The following FAAH2 variants were observed in gnomAD, a reference collection of about 807,000 sequenced individuals.
The protein encoded by FAAH2 is fatty-acid amide hydrolase 2.
Under a neutral mutation model 36.9 loss-of-function variants are expected in FAAH2, and 60 were observed. The ratio of observed to expected loss-of-function variants is 1.63; its 90% CI spans 1.32 to 2.02. The LOEUF is 2.02. Ranked by LOEUF, FAAH2 falls within the 30% of genes most tolerant of loss-of-function variation. The pLI is 0.00. For missense variants in FAAH2, 689 were observed against 397.5 expected (o/e 1.73, Z -6.23); for synonymous variants, 214 against 143.8 (o/e 1.49, Z -3.49).
At chrX:57,395,417 AT>A in intron 7 of FAAH2, 1 of 698,059 alleles carries the variant, frequency 1.4e-6, no homozygotes, top group Admixed American at 2.3e-5. Context: ...CATGGCCTTT[AT>A]TAGTCTGCTG....
chrX:57,473,290 A>C (rs1433178604), intron 10 of FAAH2, among the ~76,000 whole-genome samples: 1 of 111,594 alleles, frequency 9.0e-6, no homozygotes, highest in Non-Finnish European at 1.9e-5. Context: ...TCACCCAAAA[A>C]TTATTTAAGA....
the FAAH2 span, among the ~76,000 whole-genome samples, chrX:57,245,096 AAC>A: frequency 8.9e-6 from 1 of 111,959 alleles, no homozygotes; most frequent in African/African-American, 3.2e-5. Context: ...CGCTGAAAAA[AAC>A]AGACTTTAAA....
In FAAH2 at chrX:57,408,535, CTATT is replaced by C. The variant is rs200375559; in HGVS notation, c.997-23353_997-23350del. On this transcript the variant is annotated intron_variant, in intron 7 of 10. Transcript: ENST00000374900. Reference sequence around the variant, plus strand: ...TGCATTTTCCTTTCCAATTTGCATGCTATTTATTTATTTATTTATTTATTTATTT... The same window carrying C: ...TGCATTTTCCTTTCCAATTTGCATGCTATTTATTTATTTATTTATTTATTT... 1.2e-3 allele frequency among the ~76,000 whole-genome samples: 119 copies of C among 101,939 alleles called. No individual in the cohort carries two copies. In the Middle Eastern group the frequency reaches 0.02, roughly 17 times the overall value. 88.5% of individuals were successfully genotyped at this position (101,939 alleles called of 115,157 possible).
chrX:57,413,178 G>A (rs895456197), intron 7 of FAAH2, among the ~76,000 whole-genome samples: 1 of 111,871 alleles, frequency 8.9e-6, no homozygotes, highest in African/African-American at 3.3e-5. Context: ...TAGGTTGCCT[G>A]TTCTCTCTGA....
At position 57,361,669 on chromosome X, in the gene FAAH2, T is replaced by A. The variant is rs185054587; in HGVS notation, c.743-16982T>A. Among the ~76,000 whole-genome samples, 124 of 111,445 alleles carry A rather than the reference T, an allele frequency of 1.1e-3. 1 individual carries two copies. Among genetic ancestry groups the A allele is most frequent in the Admixed American group, 3.5e-3 (37 of 10,488 alleles). ...AAGATATGTGATATTATATATATAT[T>A]TTTTTAAATTGTAAGACTTTCTTTG... On this transcript the variant is annotated intron_variant, in intron 5 of 10. Coordinates refer to ENST00000374900, the MANE Select transcript of FAAH2 (RefSeq NM_174912.4).
chrX:57,224,441 G>A, the FAAH2 span, among the ~76,000 whole-genome samples: 2 of 111,449 alleles, frequency 1.8e-5, no homozygotes, highest in Non-Finnish European at 3.8e-5. Flanking sequence ...CAAATAGACA[G>A]GAATGTAAGA....
At chrX:57,246,821 A>T in the FAAH2 span, among the ~76,000 whole-genome samples, 1 of 111,347 alleles carries the variant, frequency 9.0e-6, no homozygotes, top group Non-Finnish European at 1.9e-5. Flanking sequence ...TATATGGGAC[A>T]CTCAAAACAC....
At chrX:57,172,839 C>A in the FAAH2 span, among the ~76,000 whole-genome samples, 5 of 111,816 alleles carry the variant, frequency 4.5e-5, no homozygotes, top group East Asian at 1.4e-3. Context: ...CGTCCAGCCA[C>A]CTATGTGCTA....
intron 10 of FAAH2, among the ~76,000 whole-genome samples, chrX:57,478,799 G>T (rs1269970359): frequency 1.8e-5 from 2 of 111,584 alleles, no homozygotes; most frequent in Non-Finnish European, 3.8e-5. Context: ...GATAGTGGTA[G>T]ATATGTGGCA....
At chrX:57,173,821 A>T in the FAAH2 span, among the ~76,000 whole-genome samples, 1 of 111,832 alleles carries the variant, frequency 8.9e-6, no homozygotes, top group African/African-American at 3.2e-5. Context: ...ATTTATTGAG[A>T]TAATCATGTG....
the FAAH2 span, among the ~76,000 whole-genome samples, chrX:57,260,879 T>TA: frequency 1.8e-5 from 2 of 111,291 alleles, no homozygotes; most frequent in Admixed American, 1.9e-4. Flanking sequence ...GGCTAAAAAG[T>TA]AAAAAATGAC....
intron 10 of FAAH2, among the ~76,000 whole-genome samples, chrX:57,467,374 C>T (rs1167846378): frequency 1.8e-5 from 2 of 111,317 alleles, no homozygotes; most frequent in East Asian, 2.8e-4. Flanking sequence ...TGACAGAAGG[C>T]ACCTTGAAAA....
At chrX:57,425,361 G>A (rs991007219) in intron 7 of FAAH2, among the ~76,000 whole-genome samples, 1 of 111,301 alleles carries the variant, frequency 9.0e-6, no homozygotes, top group African/African-American at 3.3e-5. Context: ...AGATACAAGA[G>A]ACTCAAGGAA....
At chrX:57,181,127 C>T in the FAAH2 span, among the ~76,000 whole-genome samples, 4 of 111,090 alleles carry the variant, frequency 3.6e-5, no homozygotes, top group South Asian at 7.5e-4. Flanking sequence ...AGGAACATAC[C>T]TCAAAATAAT....
chrX:57,477,532 C>A (rs1307424308), intron 10 of FAAH2, among the ~76,000 whole-genome samples: 1 of 110,926 alleles, frequency 9.0e-6, no homozygotes, highest in African/African-American at 3.3e-5. Context: ...GGTGCATGTG[C>A]ACAATGTGCA....
the FAAH2 span, among the ~76,000 whole-genome samples, chrX:57,244,209 A>G: frequency 3.6e-5 from 4 of 109,996 alleles, no homozygotes; most frequent in Admixed American, 2.0e-4. Flanking sequence ...AAGAATAAAA[A>G]GAAACGAACA....
intron 8 of FAAH2, among the ~76,000 whole-genome samples, chrX:57,435,584 T>G (rs2056393754): frequency 9.2e-6 from 1 of 108,409 alleles, no homozygotes; most frequent in Admixed American, 1.0e-4. Context: ...AATTAAAAAG[T>G]TAAAAAAGAC....
intron 7 of FAAH2, among the ~76,000 whole-genome samples, chrX:57,383,183 A>C (rs1376095044): frequency 8.9e-6 from 1 of 111,994 alleles, no homozygotes; most frequent in Admixed American, 9.4e-5. Context: ...AGCTCAAAAT[A>C]ATAAGAGCTA....
the FAAH2 span, among the ~76,000 whole-genome samples, chrX:57,207,889 A>G: frequency 4.4e-5 from 5 of 113,033 alleles, no homozygotes; most frequent in South Asian, 1.8e-3. Flanking sequence ...CAGACATTGT[A>G]CAGGGGTGAG....
Sources: gnomAD v4.1 joint callset for allele counts (sites outside exome capture counted in the v4.1 genomes callset) on GRCh38, gnomAD v4.1.1 for gene constraint, MANE v1.5 for transcripts, NCBI Gene and HGNC (gene_info 2026-07-23, HGNC 2026-07-21) for gene names.